WDFY2: variants seen among roughly 807,000 people sequenced by gnomAD.
WDFY2 encodes WD repeat and FYVE domain containing 2.
WDFY2 carries 36 observed loss-of-function variants against 56.4 expected under a neutral mutation model. The observed-to-expected ratio is 0.64, with a 90% CI of 0.49 to 0.84. The LOEUF is 0.84. Ranked by LOEUF, WDFY2 falls within the 40% of genes least tolerant of loss-of-function variation. WDFY2 has a pLI of 0.00. For synonymous variants in WDFY2, 176 were observed against 183.7 expected (o/e 0.96, Z 0.34); for missense variants, 444 against 512.2 (o/e 0.87, Z 1.29).
At chr13:51,638,461 C>T (rs1375352151) in intron 1 of WDFY2, among the ~76,000 whole-genome samples, 1 of 152,034 alleles carries the variant, frequency 6.6e-6, no homozygotes, top group African/African-American at 2.4e-5. Context: ...ATTTAGTATT[C>T]CCAAATAAGT....
rs1270439952 is a variant in WDFY2, at chr13:51,767,398, C to G, written c.*7629C>G. On this transcript the variant is annotated 3_prime_UTR_variant, in exon 12 of 12. Coordinates refer to ENST00000298125, the MANE Select transcript of WDFY2 (RefSeq NM_052950.4). Reference sequence around the variant, plus strand: ...CCCAGAAAAATCCCTTCCTTGTGGTCCTTGGCTGATGATGAGCCCTGGATC... The same window carrying G: ...CCCAGAAAAATCCCTTCCTTGTGGTGCTTGGCTGATGATGAGCCCTGGATC... 4 of 152,208 alleles carry G rather than the reference C, an allele frequency of 2.6e-5. No homozygotes were observed. The highest frequency in any genetic ancestry group is 4.8e-5 in the African/African-American group (2 of 41,440). 9.4% of individuals were successfully genotyped at this position (152,208 alleles called of 1,614,324 possible).
chr13:51,712,873 CTG>C (rs578262166), intron 4 of WDFY2, among the ~76,000 whole-genome samples: 37 of 151,912 alleles, frequency 2.4e-4, no homozygotes, highest in African/African-American at 8.4e-4. Flanking sequence ...AATTTGAAAA[CTG>C]AAATTTTAAA....
chr13:51,673,082 T>G lies in WDFY2; in HGVS notation c.206-2088T>G, dbSNP rs75088941. Among the ~76,000 whole-genome samples the G allele has an allele frequency of 4.9e-3, 752 of 152,340 alleles. 5 individuals are homozygous for G. Among genetic ancestry groups the G allele is most frequent in the African/African-American group, 0.014 (591 of 41,580 alleles). ...ATTCCATGATGGCAGCAGTAATACT[T>G]TATATATCATTGTAGGACATGCCTT... On this transcript the variant is annotated intron_variant, in intron 2 of 11. Coordinates refer to ENST00000298125, the MANE Select transcript of WDFY2 (RefSeq NM_052950.4).
intron 1 of WDFY2, among the ~76,000 whole-genome samples, chr13:51,602,054 G>A (rs59567832): frequency 6.6e-6 from 1 of 152,316 alleles, no homozygotes; most frequent in African/African-American, 2.4e-5. Context: ...AGTTATATTA[G>A]GAAAAGCTAT....
chr13:51,585,281 T>C (rs961888869), intron 1 of WDFY2, among the ~76,000 whole-genome samples: 1 of 152,250 alleles, frequency 6.6e-6, no homozygotes, highest in East Asian at 1.9e-4. Flanking sequence ...CCACTCCTTC[T>C]TCCCAGACAT....
In WDFY2 at chr13:51,756,408, TC is replaced by T; in HGVS notation, c.1011del (p.Phe337LeufsTer5). ...SKRSSIPLMGFEFEVRVCDSC... is the reference protein window; with the variant it reads ...SKRSSIPLMGXEFEVRVCDSC... ...CGCTCCTCCATCCCCCTGATGGGCT[TC>T]GAGTTTGAAGTGAGGGTCTGTGACA... On this transcript the variant is annotated frameshift_variant, in exon 10 of 12. Coordinates refer to ENST00000298125, the MANE Select transcript of WDFY2 (RefSeq NM_052950.4). LOFTEE classifies it high-confidence loss of function. 1 of 1,614,070 alleles carries T rather than the reference TC, an allele frequency of 6.2e-7. No individual in the cohort carries two copies. Among genetic ancestry groups the T allele is most frequent in the South Asian group, 1.1e-5 (1 of 91,072 alleles).
intron 7 of WDFY2, among the ~76,000 whole-genome samples, chr13:51,743,128 T>C (rs905655627): frequency 6.6e-6 from 1 of 152,216 alleles, no homozygotes; most frequent in African/African-American, 2.4e-5. Context: ...CCCACTGTGG[T>C]GCTAGGGAAC....
At chr13:51,649,723 T>C (rs1351355989) in intron 1 of WDFY2, among the ~76,000 whole-genome samples, 2 of 152,078 alleles carry the variant, frequency 1.3e-5, no homozygotes, top group East Asian at 3.9e-4. Flanking sequence ...AGAATGATGG[T>C]TTCCAGCTTC....
chr13:51,644,720 A>T (rs1021995935), intron 1 of WDFY2, among the ~76,000 whole-genome samples: 1 of 152,206 alleles, frequency 6.6e-6, no homozygotes, highest in African/African-American at 2.4e-5. Context: ...TGAGGAAAAA[A>T]AAAGTCCAGG....
At chr13:51,601,518 G>A (rs927563883) in intron 1 of WDFY2, among the ~76,000 whole-genome samples, 2 of 151,848 alleles carry the variant, frequency 1.3e-5, no homozygotes, top group Non-Finnish European at 2.9e-5. Flanking sequence ...GGGTTCAAGC[G>A]ATTGTCCTGC....
intron 6 of WDFY2, among the ~76,000 whole-genome samples, chr13:51,732,408 C>A (rs1265729170): frequency 1.3e-5 from 2 of 152,148 alleles, no homozygotes; most frequent in Non-Finnish European, 2.9e-5. Context: ...GCATGAGCCA[C>A]CGTACGTGGC....
chr13:51,649,738 A>G (rs921797847), intron 1 of WDFY2, among the ~76,000 whole-genome samples: 74 of 152,124 alleles, frequency 4.9e-4, no homozygotes, highest in Admixed American at 2.1e-3. Flanking sequence ...AGCTTCATTC[A>G]TGTCCCTACA....
At chr13:51,648,952 G>C (rs1448407867) in intron 1 of WDFY2, among the ~76,000 whole-genome samples, 6 of 152,106 alleles carry the variant, frequency 3.9e-5, no homozygotes, top group Admixed American at 3.9e-4. Flanking sequence ...TTCAAGACCA[G>C]CCAAGCCAAT....
At chr13:51,734,861 G>A (rs544654369) in intron 6 of WDFY2, among the ~76,000 whole-genome samples, 2 of 152,222 alleles carry the variant, frequency 1.3e-5, no homozygotes, top group African/African-American at 4.8e-5. Context: ...TTGAAATGAA[G>A]TCAAATGAAA....
Position 51,703,594 on chromosome 13 carries a change from A to T in WDFY2, c.280-2A>T. 2.5e-6 allele frequency: 4 copies of T among 1,597,450 alleles called. No individual in the cohort carries two copies. Among genetic ancestry groups the T allele is most frequent in the Non-Finnish European group, 3.4e-6 (4 of 1,171,056 alleles). ...GTTTAATAGTTTTCTTTTCTTTTAC[A>T]GGAGTTTATATTGTCAGAAGATTAT... On this transcript the variant is annotated splice_acceptor_variant, in intron 3 of 11. Transcript: ENST00000298125. LOFTEE classifies it high-confidence loss of function.
At chr13:51,720,614 C>G (rs1291614891) in intron 5 of WDFY2, among the ~76,000 whole-genome samples, 1 of 152,222 alleles carries the variant, frequency 6.6e-6, no homozygotes, top group African/African-American at 2.4e-5. Flanking sequence ...TAGTTCAACC[C>G]TCTGTCTTTA....
intron 1 of WDFY2, among the ~76,000 whole-genome samples, chr13:51,660,007 C>G (rs192208641): frequency 2.6e-5 from 4 of 152,162 alleles, no homozygotes; most frequent in Admixed American, 6.5e-5. Context: ...ACAACAAGAA[C>G]GAAAATAATA....
At chr13:51,705,090 GA>G (rs1204019320) in intron 4 of WDFY2, among the ~76,000 whole-genome samples, 1 of 152,190 alleles carries the variant, frequency 6.6e-6, no homozygotes, top group Non-Finnish European at 1.5e-5. Context: ...GCCATGTTGT[GA>G]GCTGCCCTGT....
At chr13:51,730,846 TG>T (rs1484573491) in intron 6 of WDFY2, among the ~76,000 whole-genome samples, 3 of 152,142 alleles carry the variant, frequency 2.0e-5, no homozygotes, top group Non-Finnish European at 4.4e-5. Flanking sequence ...CACTCTTTTT[TG>T]GCAGGAACAC....
Sources: gnomAD v4.1 joint callset for allele counts (sites outside exome capture counted in the v4.1 genomes callset) on GRCh38, gnomAD v4.1.1 for gene constraint, MANE v1.5 for transcripts, NCBI Gene and HGNC (gene_info 2026-07-23, HGNC 2026-07-21) for gene names.